SYCP2L: variants seen among roughly 807,000 people sequenced by gnomAD.
The protein encoded by SYCP2L is synaptonemal complex protein 2 like.
SYCP2L carries 98 observed loss-of-function variants against 125.8 expected under a neutral mutation model. That is an observed-to-expected ratio of 0.78 (90% confidence interval 0.66 to 0.92). The LOEUF (loss-of-function observed/expected upper bound fraction) is 0.92, where lower values mean the gene tolerates loss of function less well. Among genes scored for constraint, SYCP2L ranks in the 40% least tolerant of loss-of-function variants. The probability of loss-of-function intolerance (pLI) is 0.00; values close to 1 mark genes in which losing one functional copy is unlikely to be tolerated. For synonymous variants in SYCP2L, 317 were observed against 325.4 expected, an observed-to-expected ratio of 0.97 and a Z score of 0.28; for missense variants, 842 against 936.4, an observed-to-expected ratio of 0.90 and a Z score of 1.32.
In SYCP2L at chr6:10,962,662, C is replaced by T. The variant is rs553080370; in HGVS notation, c.2414+1104C>T. On this transcript the variant is annotated intron_variant, in intron 28 of 29. Transcript: ENST00000283141. ...TTAAAATAACAACAATAAACCTTTT[C>T]GTGTTGATATAAATAACAGATTTAT... Among the ~76,000 whole-genome samples the T allele has an allele frequency of 2.9e-3, 438 of 152,186 alleles. 1 individual carries two copies. The highest frequency in any genetic ancestry group is 4.6e-3 in the Non-Finnish European group (315 of 67,992).
In SYCP2L at chr6:10,963,806, A is replaced by G; in HGVS notation, c.2439A>G (p.Ter813=). The change falls in exon 29 of 30, where the codon TAA becomes TAG. Residue 813 remains the stop codon, a stop_retained_variant. Transcript: ENST00000283141. ...VLRFNSTQTS[*] ...GGTTCAATTCAACTCAGACTTCATA[A>G]GAAAGCCAAAGCCTGGTTTTATGAT... The G allele has an allele frequency of 6.2e-7, 1 of 1,613,958 alleles. No individual in the cohort carries two copies. Among genetic ancestry groups the G allele is most frequent in the Non-Finnish European group, 8.5e-7 (1 of 1,179,876 alleles).
intron 21 of SYCP2L, among the ~76,000 whole-genome samples, chr6:10,939,971 C>T (rs201621835): frequency 6.6e-6 from 1 of 152,060 alleles, no homozygotes; most frequent in Non-Finnish European, 1.5e-5. Context: ...GGTTAATATT[C>T]AAAATAACTT....
intron 4 of SYCP2L, among the ~76,000 whole-genome samples, chr6:10,897,341 G>A (rs1177659756): frequency 6.6e-6 from 1 of 151,176 alleles, no homozygotes; most frequent in Non-Finnish European, 1.5e-5. Flanking sequence ...TTCTTTGATA[G>A]TTTGTTTTCA....
At chr6:10,955,780 G>C (rs1369478300) in intron 24 of SYCP2L, among the ~76,000 whole-genome samples, 1 of 152,114 alleles carries the variant, frequency 6.6e-6, no homozygotes, top group Non-Finnish European at 1.5e-5. Flanking sequence ...AGACTTAATT[G>C]ATGCTTGCAA....
At chr6:10,904,334 G>C (rs914807058) in intron 8 of SYCP2L, among the ~76,000 whole-genome samples, 30 of 152,280 alleles carry the variant, frequency 2.0e-4, no homozygotes, top group African/African-American at 5.8e-4. Context: ...CTGAACCCAC[G>C]ACTGCGCTAA....
intron 14 of SYCP2L, among the ~76,000 whole-genome samples, chr6:10,920,386 T>C (rs180979973): frequency 6.6e-6 from 1 of 152,156 alleles, no homozygotes; most frequent in East Asian, 1.9e-4. Flanking sequence ...CCCAGCTAAT[T>C]TTTGTATTTT....
intron 6 of SYCP2L, among the ~76,000 whole-genome samples, chr6:10,902,066 T>C (rs538853611): frequency 2.6e-5 from 4 of 152,320 alleles, no homozygotes; most frequent in East Asian, 1.9e-4. Flanking sequence ...CCAGTCACTA[T>C]GAAAGGATAA....
chr6:10,973,209 T>C (rs1364045726), intron 29 of SYCP2L, among the ~76,000 whole-genome samples: 1 of 152,190 alleles, frequency 6.6e-6, no homozygotes, highest in Non-Finnish European at 1.5e-5. Flanking sequence ...TGATATCAGC[T>C]CCTACCAACC....
chr6:10,908,756 A>G (rs1387405976), intron 10 of SYCP2L, among the ~76,000 whole-genome samples: 1 of 152,224 alleles, frequency 6.6e-6, no homozygotes, highest in Non-Finnish European at 1.5e-5. Flanking sequence ...TTCTTTAGCC[A>G]GGATTCAGTA....
chr6:10,960,453 A>G (rs1781575602), intron 26 of SYCP2L, among the ~76,000 whole-genome samples: 1 of 152,152 alleles, frequency 6.6e-6, no homozygotes, highest in South Asian at 2.1e-4. Context: ...TGAGGTGAGG[A>G]TGAGTTTTAG....
rs1781471319 is a variant in SYCP2L at position 10,954,785 on chromosome 6, T to A, written c.1955-331T>A. ...CTGCCTGGAAACCTTGCTGTCTTGC[T>A]ATTTAGCTCAGAGCCCTGGAAGCGT... is the stretch of plus-strand genomic sequence containing the variant. On this transcript the variant is annotated intron_variant, in intron 23 of 29. Coordinates refer to ENST00000283141, the MANE Select transcript of SYCP2L (RefSeq NM_001040274.3). This position sits in a 1 kb window ranked among gnomAD's most constrained non-coding sequence, Gnocchi z 4.8. 6.6e-6 allele frequency among the ~76,000 whole-genome samples: 1 copy of A among 152,192 alleles called. No homozygotes were observed. The highest frequency in any genetic ancestry group is 1.5e-5 in the Non-Finnish European group (1 of 68,030).
intron 24 of SYCP2L, among the ~76,000 whole-genome samples, 155 bp from the exon 25 acceptor site, chr6:10,955,981 T>G (rs1225751): frequency 0.92 from 140,350 of 152,234 alleles, 65,177 homozygotes; most frequent in Non-Finnish European, 0.99. Context: ...ATGAGCACTT[T>G]CCAGAGAGCG....
rs959922723 is a variant in SYCP2L at position 10,954,574 on chromosome 6, G to T, written c.1955-542G>T. ...TGGGATAAAAGTGAACATCAGAATA[G>T]AAAATATTTAGTGTTATGCTGAATT... On this transcript the variant is annotated intron_variant, in intron 23 of 29. Coordinates refer to ENST00000283141, the MANE Select transcript of SYCP2L (RefSeq NM_001040274.3). The surrounding 1 kb of genome is among the most constrained non-coding windows in gnomAD (Gnocchi z 4.8). 5.9e-5 allele frequency among the ~76,000 whole-genome samples: 9 copies of T among 152,148 alleles called. No individual in the cohort carries two copies. Among genetic ancestry groups the T allele is most frequent in the Non-Finnish European group, 8.8e-5 (6 of 68,016 alleles).
chr6:10,949,721 C>CTTTT lies in SYCP2L; in HGVS notation c.1955-5382_1955-5379dup, dbSNP rs33952119. 6.6e-3 allele frequency among the ~76,000 whole-genome samples: 801 copies of CTTTT among 121,486 alleles called. 16 individuals carry two copies. Among genetic ancestry groups the CTTTT allele is most frequent in the Middle Eastern group, 0.027 (6 of 222 alleles). 79.7% of individuals were successfully genotyped at this position (121,486 alleles called of 152,430 possible). On this transcript the variant is annotated intron_variant, in intron 23 of 29. Transcript: ENST00000283141. ...TTTGGCTAATATTTACCTGATACAT[C>CTTTT]TTTTTTTTTTTTTTTTGCCATTCTT...
intron 15 of SYCP2L, among the ~76,000 whole-genome samples, chr6:10,926,132 A>G (rs1472747808): frequency 6.6e-6 from 1 of 152,186 alleles, no homozygotes; most frequent in Admixed American, 6.5e-5. Context: ...GGAGCAGGGG[A>G]ATGGCTAGCC....
intron 23 of SYCP2L, among the ~76,000 whole-genome samples, chr6:10,950,283 T>C (rs896029652): frequency 6.6e-6 from 1 of 152,202 alleles, no homozygotes; most frequent in Non-Finnish European, 1.5e-5. Flanking sequence ...TGACTTGCCT[T>C]ATGGTTGAAA....
chr6:10,928,397 C>A lies in SYCP2L; in HGVS notation c.1441-6C>A. The A allele has an allele frequency of 7.1e-7, 1 of 1,412,916 alleles. No homozygotes were observed. Among genetic ancestry groups the A allele is most frequent in the Non-Finnish European group, 9.9e-7 (1 of 1,012,942 alleles). The allele number at this position is 1,412,916 out of a possible 1,614,324, so 87.5% of individuals were successfully genotyped here. ...AATCTTCACAATCCACGTTCTTCTGCCATAGCTTCAGCCGGTCCCTCCGTT... is the reference window on the plus strand; with the variant it reads ...AATCTTCACAATCCACGTTCTTCTGACATAGCTTCAGCCGGTCCCTCCGTT... On this transcript the variant is annotated splice_region_variant and splice_polypyrimidine_tract_variant and intron_variant, in intron 17 of 29. Transcript: ENST00000283141.
chr6:10,917,172 G>T (rs1312495313), intron 14 of SYCP2L, among the ~76,000 whole-genome samples: 2 of 152,288 alleles, frequency 1.3e-5, no homozygotes, highest in South Asian at 2.1e-4. Context: ...TTGTTCCAGG[G>T]TGTAGTTTAA....
intron 2 of SYCP2L, among the ~76,000 whole-genome samples, chr6:10,892,924 TATTTA>T (rs1780198609): frequency 6.7e-6 from 1 of 149,660 alleles, no homozygotes; most frequent in South Asian, 2.2e-4. Context: ...TAGTATTGTA[TATTTA>T]ACCTGTAAGA....
Sources: gnomAD v4.1 joint callset for allele counts (sites outside exome capture counted in the v4.1 genomes callset) on GRCh38, gnomAD v4.1.1 for gene constraint, Gnocchi (gnomAD v3.1) non-coding constraint, MANE v1.5 for transcripts, NCBI Gene and HGNC (gene_info 2026-07-23, HGNC 2026-07-21) for gene names.